Variants in TMEM164 observed in about 807,000 individuals in gnomAD.
TMEM164 encodes RP13-360B22.2.
TMEM164 carries 4 observed loss-of-function variants against 18.8 expected under a neutral mutation model. The ratio of observed to expected loss-of-function variants is 0.21; its 90% CI spans 0.10 to 0.49. The LOEUF (loss-of-function observed/expected upper bound fraction) is 0.49, where lower values mean the gene tolerates loss of function less well. TMEM164 is among the 20% of genes least tolerant of loss of function. The probability of loss-of-function intolerance (pLI) is 0.98; values close to 1 mark genes in which losing one functional copy is unlikely to be tolerated. For missense variants in TMEM164, 108 were observed against 239.9 expected (o/e 0.45, Z 3.63); for synonymous variants, 86 against 101.7 (o/e 0.85, Z 0.93).
chrX:110,098,869 G>A (rs1602620546), intron 3 of TMEM164, among the ~76,000 whole-genome samples: 1 of 104,692 alleles, frequency 9.6e-6, no homozygotes, highest in East Asian at 2.9e-4. Context: ...TGCAGGCTCC[G>A]CCTCCTGGGT....
At position 110,102,583 on chromosome X, in the gene TMEM164, C is replaced by T. The variant is rs2066128514; in HGVS notation, c.441-6497C>T. Among the ~76,000 whole-genome samples, 2 of 111,711 alleles carry T rather than the reference C, an allele frequency of 1.8e-5. 1 individual carries two copies. Among genetic ancestry groups the T allele is most frequent in the Admixed American group, 1.9e-4 (2 of 10,532 alleles). On this transcript the variant is annotated intron_variant, in intron 3 of 6. Coordinates refer to ENST00000372068, the MANE Select transcript of TMEM164 (RefSeq NM_032227.4). ...CATTTGTTATGAATAATGTGATATT[C>T]ATTTACATTGATCTGTTAAGGATAA... is the stretch of plus-strand genomic sequence containing the variant.
chrX:110,118,814 G>A (rs1162651018), intron 4 of TMEM164, among the ~76,000 whole-genome samples: 1 of 111,444 alleles, frequency 9.0e-6, no homozygotes, highest in Non-Finnish European at 1.9e-5. Context: ...TTCAAAAATG[G>A]CGACATTTGA....
Position 110,171,429 on chromosome X carries a change from C to T in TMEM164, c.596C>T (p.Thr199Ile), listed in dbSNP as rs747826088. 8.3e-7 allele frequency: 1 copy of T among 1,205,812 alleles called. No individual in the cohort carries two copies. The highest frequency in any genetic ancestry group is 1.1e-6 in the Non-Finnish European group (1 of 891,203). Residue 199 changes from threonine to isoleucine, a missense_variant, in exon 6 of 7, where the codon ACT (threonine) becomes ATT (isoleucine). By Grantham distance (89) the Thr-to-Ile change is moderately conservative. Coordinates refer to ENST00000372068, the MANE Select transcript of TMEM164 (RefSeq NM_032227.4). ...TCCCCTCTTCCTCCAGGTGCTTACACTCCAGAGCCCCTCAGCAGTTTCCGG... is the reference window on the plus strand; with the variant it reads ...TCCCCTCTTCCTCCAGGTGCTTACATTCCAGAGCCCCTCAGCAGTTTCCGG... ...IYLLWKGGAY[T>I]PEPLSSFRWA...
chrX:110,124,013 G>A (rs1014231954), intron 4 of TMEM164, among the ~76,000 whole-genome samples: 17 of 110,531 alleles, frequency 1.5e-4, no homozygotes, highest in South Asian at 1.1e-3. Context: ...CTACTTGGGA[G>A]GCTGAGGCAG....
intron 2 of TMEM164, among the ~76,000 whole-genome samples, chrX:110,054,807 C>G (rs902580379): frequency 8.9e-6 from 1 of 111,752 alleles, no homozygotes; most frequent in Non-Finnish European, 1.9e-5. Context: ...GGGTCACACT[C>G]CCCAACATTA....
Position 110,004,002 on chromosome X carries a change from A to G in TMEM164, c.228A>G (p.Pro76=), listed in dbSNP as rs753389935. The G allele has an allele frequency of 2.9e-5, 35 of 1,209,679 alleles. No individual in the cohort carries two copies. In the South Asian group the frequency reaches 6.2e-4, roughly 21 times the overall value. Residue 76 remains proline, a synonymous_variant, in exon 2 of 7, where the codon CCA becomes CCG. Coordinates refer to ENST00000372068, the MANE Select transcript of TMEM164 (RefSeq NM_032227.4). ...GTAGGGGTAGCCCTGGCAGCCAGCC[A>G]GAGCAGGTGACCCAGCGGCCAGAGG... The part of the protein sequence containing the change: ...EDGRGSPGSQ[P]EQVTQRPEEG...
At chrX:110,092,662 C>T (rs1246575494) in intron 3 of TMEM164, among the ~76,000 whole-genome samples, 1 of 111,880 alleles carries the variant, frequency 8.9e-6, no homozygotes, top group Admixed American at 9.5e-5. Flanking sequence ...CAAACAGAGA[C>T]AATTTGACTT....
At chrX:110,152,854 A>G (rs2066963162) in intron 5 of TMEM164, among the ~76,000 whole-genome samples, 1 of 111,259 alleles carries the variant, frequency 9.0e-6, no homozygotes, top group East Asian at 2.8e-4. Context: ...TCCTGGAGCT[A>G]CTTCTATAGC....
intron 3 of TMEM164, among the ~76,000 whole-genome samples, chrX:110,074,697 C>T (rs778452087): frequency 8.9e-6 from 1 of 111,895 alleles, no homozygotes; most frequent in South Asian, 3.7e-4. Flanking sequence ...TTTCTCAGCA[C>T]CATTTATTTA....
chrX:110,096,608 A>C (rs1602616382), intron 3 of TMEM164, among the ~76,000 whole-genome samples: 2 of 112,342 alleles, frequency 1.8e-5, no homozygotes, highest in African/African-American at 6.5e-5. Flanking sequence ...TGGCTAGGAA[A>C]GGGAATTCCC....
At chrX:110,074,837 AC>A (rs2065648330) in intron 3 of TMEM164, among the ~76,000 whole-genome samples, 1 of 111,883 alleles carries the variant, frequency 8.9e-6, no homozygotes, top group African/African-American at 3.3e-5. Context: ...TTGTACCACT[AC>A]CATGCTGTTT....
chrX:110,066,998 G>A lies in TMEM164; in HGVS notation c.391-349G>A, dbSNP rs960770601. On this transcript the variant is annotated intron_variant, in intron 2 of 6. Transcript: ENST00000372068. ...GATAAACCCACCTTCTCCCCTGGGA[G>A]GCAAACCAGATGGCATGGTGTGTGC... 6.3e-5 allele frequency among the ~76,000 whole-genome samples: 7 copies of A among 111,596 alleles called. No individual in the cohort carries two copies. The East Asian group carries it at 2.0e-3, about 31-fold the overall frequency.
At chrX:110,071,519 A>T (rs1406835400) in intron 3 of TMEM164, among the ~76,000 whole-genome samples, 1 of 109,214 alleles carries the variant, frequency 9.2e-6, no homozygotes, top group African/African-American at 3.3e-5. Context: ...TCAATATTTT[A>T]TTTAGAATCT....
At position 110,009,456 on chromosome X, in the gene TMEM164, G is replaced by GTTTGTTT. The variant is rs1046427106; in HGVS notation, c.390+5309_390+5315dup. 4.6e-5 allele frequency among the ~76,000 whole-genome samples: 5 copies of GTTTGTTT among 108,798 alleles called. No individual in the cohort carries two copies. The South Asian group carries it at 1.9e-3, about 42-fold the overall frequency. The allele number at this position is 108,798 out of a possible 115,157, so 94.5% of individuals were successfully genotyped here. A position where few individuals can be genotyped will look rare whatever the true frequency, so the allele number is the denominator to read the frequency against. ...TTGGCCAGATCATTTTTTTTTGTTT[G>GTTTGTTT]TTTGTTTTTTGTTTTTTGTTTTTGC... On this transcript the variant is annotated intron_variant, in intron 2 of 6. Coordinates refer to ENST00000372068, the MANE Select transcript of TMEM164 (RefSeq NM_032227.4).
rs1385793439 is a variant in TMEM164, at chrX:110,045,802, C to T, written c.391-21545C>T. On this transcript the variant is annotated intron_variant, in intron 2 of 6. Coordinates refer to ENST00000372068, the MANE Select transcript of TMEM164 (RefSeq NM_032227.4). ...GCTAGTTTTTTGAAGGGACAGAAACCATGAGCAAACAGAGGGACCTTGCAA... is the reference window on the plus strand; with the variant it reads ...GCTAGTTTTTTGAAGGGACAGAAACTATGAGCAAACAGAGGGACCTTGCAA... 8.0e-5 allele frequency among the ~76,000 whole-genome samples: 9 copies of T among 111,815 alleles called. No individual in the cohort carries two copies. The Admixed American group carries it at 8.5e-4, about 11-fold the overall frequency.
At chrX:110,124,822 C>T (rs1365031166) in intron 4 of TMEM164, among the ~76,000 whole-genome samples, 4 of 111,984 alleles carry the variant, frequency 3.6e-5, no homozygotes, top group Non-Finnish European at 7.5e-5. Context: ...CACCACAAAT[C>T]CATTCCACCC....
At chrX:110,144,693 G>A in intron 4 of TMEM164, 105 bp from the exon 5 acceptor site, 1 of 485,755 alleles carries the variant, frequency 2.1e-6, no homozygotes, top group South Asian at 5.3e-5. Context: ...AAATGCATGG[G>A]ATTGCTGAAA....
intron 2 of TMEM164, among the ~76,000 whole-genome samples, chrX:110,027,342 AT>A (rs747788316): frequency 1.7e-3 from 193 of 111,875 alleles, no homozygotes; most frequent in Middle Eastern, 9.3e-3. Flanking sequence ...AATTATACTG[AT>A]TGATTTTCTA....
chrX:110,094,805 A>C (rs753954272), intron 3 of TMEM164, among the ~76,000 whole-genome samples: 81 of 112,084 alleles, frequency 7.2e-4, no homozygotes, highest in African/African-American at 2.5e-3. Flanking sequence ...ATGTTTTTGC[A>C]GTGGCTGGTA....
Sources: gnomAD v4.1 joint callset for allele counts (sites outside exome capture counted in the v4.1 genomes callset) on GRCh38, gnomAD v4.1.1 for gene constraint, MANE v1.5 for transcripts, NCBI Gene and HGNC (gene_info 2026-07-23, HGNC 2026-07-21) for gene names.